The following SPRED2 variants were observed in gnomAD, a reference collection of about 807,000 sequenced individuals.
SPRED2 encodes sprouty-related, EVH1 domain-containing protein 2.
A neutral mutation model predicts 43.0 loss-of-function variants in SPRED2; 47 were observed. The observed-to-expected ratio is 1.09, with a 90% CI of 0.87 to 1.40. The LOEUF is 1.40. Ranked by LOEUF, SPRED2 falls within the 40% of genes most tolerant of loss-of-function variation. The probability of loss-of-function intolerance (pLI) is 0.00; values close to 1 mark genes in which losing one functional copy is unlikely to be tolerated. For missense variants in SPRED2, 561 were observed against 586.4 expected (o/e 0.96, Z 0.45); for synonymous variants, 225 against 225.7 (o/e 1.00, Z 0.03).
intron 1 of SPRED2, among the ~76,000 whole-genome samples, chr2:65,378,623 C>G (rs373269173): frequency 1.3e-5 from 2 of 152,144 alleles, no homozygotes; most frequent in African/African-American, 2.4e-5. Context: ...CAGTGTGGCC[C>G]CATAGGGGTG....
chr2:65,349,651 A>G (rs905005125), intron 1 of SPRED2, among the ~76,000 whole-genome samples: 5 of 152,242 alleles, frequency 3.3e-5, no homozygotes, highest in African/African-American at 1.2e-4. Context: ...GAAAAAGAGA[A>G]GTTTGCATTA....
chr2:65,329,382 A>G (rs1260042183), intron 4 of SPRED2, among the ~76,000 whole-genome samples: 1 of 152,210 alleles, frequency 6.6e-6, no homozygotes, highest in Non-Finnish European at 1.5e-5. Context: ...GGGCTTTTCT[A>G]GGGAAAGGAG....
Position 65,313,299 on chromosome 2 carries a change from C to T in SPRED2, c.*202G>A, listed in dbSNP as rs1465294117. 4.2e-6 allele frequency: 6 copies of T among 1,425,272 alleles called. No homozygotes were observed. The highest frequency in any genetic ancestry group is 3.7e-6 in the Non-Finnish European group (4 of 1,095,474). 88.3% of individuals were successfully genotyped at this position (1,425,272 alleles called of 1,614,324 possible). ...GAGCGTGTGTGTATGGATGTGGCTG[C>T]TGCAGTGTGGGCGGCAGGGGGAGTG... On this transcript the variant is annotated 3_prime_UTR_variant, in exon 6 of 6. Transcript: ENST00000356388.
In SPRED2 at chr2:65,313,536, T is replaced by C; in HGVS notation, c.1222A>G (p.Arg408Gly). The stretch of plus-strand genomic sequence containing the variant: ...GCTTTGTGCTTCCCGCCACAGCACC[T>C]GCACATCACTCCGCAGTGGTAGCAG... Reference protein sequence around the residue: ...RACYHCGVMCRCCGGKHKAAA With the variant: ...RACYHCGVMCGCCGGKHKAAA The change falls in exon 6 of 6, where the codon AGG becomes GGG. Residue 408 changes from arginine (R) to glycine (G), a missense_variant. Arg to Gly is a moderately radical substitution (Grantham distance 125, BLOSUM62 -2). Coordinates refer to ENST00000356388, the MANE Select transcript of SPRED2 (RefSeq NM_181784.3). 6.2e-7 allele frequency: 1 copy of C among 1,611,928 alleles called. No homozygotes were observed. Among genetic ancestry groups the C allele is most frequent in the Middle Eastern group, 1.7e-4 (1 of 5,996 alleles).
chr2:65,429,352 G>A (rs1336869405), intron 1 of SPRED2, among the ~76,000 whole-genome samples: 2 of 152,112 alleles, frequency 1.3e-5, no homozygotes, highest in Non-Finnish European at 2.9e-5. Flanking sequence ...AGCAAACCCT[G>A]CCTGGTTCCA....
intron 1 of SPRED2, among the ~76,000 whole-genome samples, chr2:65,393,565 C>T (rs1017802718): frequency 2.0e-5 from 3 of 152,046 alleles, no homozygotes; most frequent in Non-Finnish European, 4.4e-5. Context: ...GAACTCCTGA[C>T]CTCAAATGAT....
In SPRED2 at chr2:65,313,453, C is replaced by T. The variant is rs767599968; in HGVS notation, c.*48G>A. On this transcript the variant is annotated 3_prime_UTR_variant, in exon 6 of 6. Transcript: ENST00000356388. The stretch of plus-strand genomic sequence containing the variant: ...GGAGAAGATGAGAGTATGTAAGAGA[C>T]GAGTTCCCCTGTGGCTGCGGATGGA... The T allele has an allele frequency of 6.4e-7, 1 of 1,556,178 alleles. No homozygotes were observed. Among genetic ancestry groups the T allele is most frequent in the Non-Finnish European group, 8.7e-7 (1 of 1,153,770 alleles).
chr2:65,414,588 G>T (rs1381791480), intron 1 of SPRED2, among the ~76,000 whole-genome samples: 1 of 152,340 alleles, frequency 6.6e-6, no homozygotes, highest in African/African-American at 2.4e-5. Flanking sequence ...CTAAGACCCA[G>T]CTCTGCTGTT....
intron 1 of SPRED2, among the ~76,000 whole-genome samples, chr2:65,399,259 A>G (rs535106977): frequency 1.8e-4 from 27 of 150,764 alleles, no homozygotes; most frequent in Non-Finnish European, 1.8e-4. Context: ...ACAAGAGCGA[A>G]AATCTGTCTC....
chr2:65,401,973 A>ACACC (rs770117392), intron 1 of SPRED2, among the ~76,000 whole-genome samples: 3,546 of 148,446 alleles, frequency 0.024, 62 homozygotes, highest in Non-Finnish European at 0.037. Context: ...ACACACACAC[A>ACACC]CCTGTTAATT....
Position 65,311,052 on chromosome 2 carries a change from T to G in SPRED2, c.*2449A>C. 2 of 985,612 alleles carry G rather than the reference T, an allele frequency of 2.0e-6. No homozygotes were observed. The highest frequency in any genetic ancestry group is 5.2e-4 in the Middle Eastern group (1 of 1,914). The allele number at this position is 985,612 out of a possible 1,614,324, so 61.1% of individuals were successfully genotyped here. ...TTTTAGTATACAGGTAAAGAATGAA[T>G]TATGCTTCAGGCACTTTAATTTGTT... On this transcript the variant is annotated 3_prime_UTR_variant, in exon 6 of 6. Transcript: ENST00000356388.
chr2:65,355,364 GT>G (rs1158315454), intron 1 of SPRED2, among the ~76,000 whole-genome samples: 1 of 152,130 alleles, frequency 6.6e-6, no homozygotes, highest in Non-Finnish European at 1.5e-5. Context: ...GTAGTTCTGA[GT>G]TTTTTTCAAA....
chr2:65,426,164 G>A lies in SPRED2; in HGVS notation c.26+5798C>T, dbSNP rs1040653373. ...CAAGATTTTTTACTTGTCAGTTCTC[G>A]CAACAATGAATGGAATAAAAATGGG... is the stretch of plus-strand genomic sequence containing the variant. On this transcript the variant is annotated intron_variant, in intron 1 of 5. Coordinates refer to ENST00000356388, the MANE Select transcript of SPRED2 (RefSeq NM_181784.3). Among the ~76,000 whole-genome samples the A allele has an allele frequency of 3.3e-5, 5 of 152,120 alleles. No individual in the cohort carries two copies. In the South Asian group the frequency reaches 8.3e-4, roughly 25 times the overall value.
intron 1 of SPRED2, among the ~76,000 whole-genome samples, chr2:65,361,132 T>C (rs1232546958): frequency 6.6e-6 from 1 of 152,232 alleles, no homozygotes; most frequent in Non-Finnish European, 1.5e-5. Context: ...AAGTAACATA[T>C]GTCCCCATTA....
chr2:65,420,516 A>C (rs1676399048), intron 1 of SPRED2, among the ~76,000 whole-genome samples: 1 of 152,276 alleles, frequency 6.6e-6, no homozygotes, highest in Non-Finnish European at 1.5e-5. Context: ...GTAAGCACTG[A>C]CAAGTGATGG....
chr2:65,387,015 T>C (rs889631791), intron 1 of SPRED2, among the ~76,000 whole-genome samples: 26 of 151,296 alleles, frequency 1.7e-4, no homozygotes, highest in African/African-American at 5.6e-4. Context: ...CTGGTTCTAA[T>C]GTTATAGAAA....
chr2:65,315,777 G>T (rs567258913), intron 5 of SPRED2, among the ~76,000 whole-genome samples: 16 of 152,312 alleles, frequency 1.1e-4, no homozygotes, highest in Non-Finnish European at 1.8e-4. Context: ...TCCTGCTTCA[G>T]CCTCCCGAGT....
At chr2:65,430,739 C>A (rs1676660207) in intron 1 of SPRED2, among the ~76,000 whole-genome samples, 1 of 152,130 alleles carries the variant, frequency 6.6e-6, no homozygotes, top group Admixed American at 6.5e-5. Flanking sequence ...CGCCCAAGCC[C>A]GCGCCGCCGC....
chr2:65,354,874 T>C (rs1306626392), intron 1 of SPRED2, among the ~76,000 whole-genome samples: 1 of 152,182 alleles, frequency 6.6e-6, no homozygotes, highest in African/African-American at 2.4e-5. Flanking sequence ...AGAAGTAATG[T>C]CTAAGACAGA....
Sources: allele counts gnomAD v4.1 joint callset (sites outside exome capture counted in the v4.1 genomes callset), GRCh38; gene constraint gnomAD v4.1.1; transcripts MANE v1.5; gene names NCBI Gene and HGNC (gene_info 2026-07-23, HGNC 2026-07-21).